PPA2: variants seen among roughly 807,000 people sequenced by gnomAD.
The protein encoded by PPA2 is inorganic pyrophosphatase 2, also known as inorganic pyrophosphatase 2, mitochondrial.
In PPA2, 48 loss-of-function variants were observed where a neutral mutation model predicts 49.5. That is an observed-to-expected ratio of 0.97 (90% CI 0.77 to 1.23). PPA2 has a LOEUF of 1.23. PPA2 is among the 50% of genes most tolerant of loss of function. PPA2 has a pLI of 0.00. For missense variants in PPA2, 429 were observed against 410.1 expected, an observed-to-expected ratio of 1.05 and a Z score of -0.40; for synonymous variants, 131 against 139.9, an observed-to-expected ratio of 0.94 and a Z score of 0.45.
At chr4:105,380,794 T>C (rs541630064) in intron 10 of PPA2, among the ~76,000 whole-genome samples, 1 of 152,068 alleles carries the variant, frequency 6.6e-6, no homozygotes, top group Non-Finnish European at 1.5e-5. Flanking sequence ...TGGTACATAC[T>C]ATATGTGTCC....
intron 9 of PPA2, among the ~76,000 whole-genome samples, chr4:105,387,858 A>G (rs1294723437): frequency 1.3e-5 from 2 of 152,170 alleles, no homozygotes; most frequent in South Asian, 4.1e-4. Flanking sequence ...CCTGTAAGTT[A>G]GATGTTTCCT....
chr4:105,373,821 C>G (rs1452344539), intron 10 of PPA2, among the ~76,000 whole-genome samples: 4 of 151,384 alleles, frequency 2.6e-5, no homozygotes, highest in Non-Finnish European at 5.9e-5. Flanking sequence ...GTCTGACACT[C>G]AGAGATAATG....
intron 7 of PPA2, among the ~76,000 whole-genome samples, chr4:105,403,067 T>C (rs1722294647): frequency 6.6e-6 from 1 of 151,980 alleles, no homozygotes; most frequent in African/African-American, 2.4e-5. Flanking sequence ...CTCTGTCACA[T>C]AGGCTGGAGT....
intron 10 of PPA2, 126 bp downstream of exon 10, chr4:105,386,441 T>C: frequency 1.5e-6 from 1 of 670,198 alleles, no homozygotes; most frequent in Non-Finnish European, 2.3e-6. Flanking sequence ...GATTTCAAGG[T>C]GATCTGTAAA....
At chr4:105,387,704 A>G (rs1013478170) in intron 9 of PPA2, among the ~76,000 whole-genome samples, 1 of 152,134 alleles carries the variant, frequency 6.6e-6, no homozygotes, top group Non-Finnish European at 1.5e-5. Context: ...TTTTGCCACT[A>G]TAGCACACGT....
At position 105,411,078 on chromosome 4, in the gene PPA2, TG is replaced by T. The variant is rs201779012; in HGVS notation, c.656-11915del. On this transcript the variant is annotated intron_variant, in intron 7 of 11. Coordinates refer to ENST00000341695, the MANE Select transcript of PPA2 (RefSeq NM_176869.3). ...CACACATAACAATATTAACCTTAAA[TG>T]TAAATGGGTTAAATGCCCCAATTAA... Among the ~76,000 whole-genome samples the T allele has an allele frequency of 3.8e-4, 58 of 152,290 alleles. No individual in the cohort carries two copies. The East Asian group carries it at 9.1e-3, about 24-fold the overall frequency.
At chr4:105,454,662 C>T (rs1722810779) in intron 2 of PPA2, among the ~76,000 whole-genome samples, 1 of 152,030 alleles carries the variant, frequency 6.6e-6, no homozygotes, top group South Asian at 2.1e-4. Context: ...ATACCACATC[C>T]CAAAGTACAA....
At chr4:105,442,066 G>A (rs1392643100) in intron 5 of PPA2, among the ~76,000 whole-genome samples, 3 of 149,888 alleles carry the variant, frequency 2.0e-5, no homozygotes, top group Admixed American at 6.6e-5. Context: ...GAACAGTGGT[G>A]TGACCATAGC....
At position 105,437,981 on chromosome 4, in the gene PPA2, T is replaced by C. The variant is rs1163135909; in HGVS notation, c.497A>G (p.Asp166Gly). 6.8e-6 allele frequency: 11 copies of C among 1,609,690 alleles called. No homozygotes were observed. The South Asian group carries it at 1.2e-4, about 18-fold the overall frequency. The change falls in exon 6 of 12, where the codon GAT becomes GGT. Residue 166 changes from aspartate to glycine, a missense_variant. Physicochemically the swap from Asp to Gly is moderately conservative, Grantham distance 94. Coordinates refer to ENST00000341695, the MANE Select transcript of PPA2 (RefSeq NM_176869.3). ...DKSTNCFGDN[D>G]PIDVCEIGSK... ...GCCTATTTCGCAAACATCAATAGGA[T>C]CATTATCTCCAAAGCAGTTCGTGCT...
chr4:105,406,354 C>T (rs1340950011), intron 7 of PPA2, among the ~76,000 whole-genome samples: 3 of 152,034 alleles, frequency 2.0e-5, no homozygotes, highest in African/African-American at 7.2e-5. Flanking sequence ...TATTTAGTCT[C>T]AGAACGCAGG....
At chr4:105,375,819 C>A (rs775970984) in intron 10 of PPA2, among the ~76,000 whole-genome samples, 13 of 152,170 alleles carry the variant, frequency 8.5e-5, no homozygotes, top group African/African-American at 1.7e-4. Context: ...GAGGAACATG[C>A]TGTTACAAGT....
At chr4:105,393,494 TA>T (rs1734008730) in intron 9 of PPA2, among the ~76,000 whole-genome samples, 1 of 40,068 alleles carries the variant, frequency 2.5e-5, no homozygotes, top group African/African-American at 6.6e-5. Flanking sequence ...AAAATAATAA[TA>T]ATAATAATAA....
At chr4:105,380,576 T>TAACA (rs1733448538) in intron 10 of PPA2, among the ~76,000 whole-genome samples, 1 of 152,148 alleles carries the variant, frequency 6.6e-6, no homozygotes, top group East Asian at 1.9e-4. Flanking sequence ...AGAGTTAATA[T>TAACA]TGTTGTTTCA....
intron 5 of PPA2, among the ~76,000 whole-genome samples, chr4:105,442,060 A>G (rs893351120): frequency 6.6e-6 from 1 of 151,012 alleles, no homozygotes; most frequent in Non-Finnish European, 1.5e-5. Context: ...GCTGAAGAAC[A>G]GTGGTGTGAC....
chr4:105,447,302 T>C (rs368380236), intron 4 of PPA2, among the ~76,000 whole-genome samples: 1 of 152,070 alleles, frequency 6.6e-6, no homozygotes, highest in East Asian at 1.9e-4. Context: ...GAAAGACAAA[T>C]ATCTCATGTT....
rs771537412 is a variant in PPA2, at chr4:105,388,825, C to CAAAAAA, written c.870-2195_870-2190dup. 5.4e-3 allele frequency among the ~76,000 whole-genome samples: 309 copies of CAAAAAA among 56,736 alleles called. 14 individuals are homozygous for CAAAAAA. The highest frequency in any genetic ancestry group is 0.015 in the African/African-American group (289 of 19,590). 37.2% of individuals were successfully genotyped at this position (56,736 alleles called of 152,430 possible). On this transcript the variant is annotated intron_variant, in intron 9 of 11. Transcript: ENST00000341695. ...GGGTGACAGAGCAAGGCAACGTCTC[C>CAAAAAA]AAAAAAAAAAGAAAAAAAAAAAAAT...
intron 6 of PPA2, among the ~76,000 whole-genome samples, chr4:105,425,842 G>C (rs1340987552): frequency 2.6e-5 from 4 of 152,032 alleles, no homozygotes; most frequent in African/African-American, 9.7e-5. Flanking sequence ...GATAGTGACA[G>C]AGAGTAAATC....
chr4:105,453,657 A>T lies in PPA2; in HGVS notation c.223-15T>A. 2.5e-6 allele frequency: 4 copies of T among 1,598,590 alleles called. No individual in the cohort carries two copies. The highest frequency in any genetic ancestry group is 3.4e-6 in the Non-Finnish European group (4 of 1,170,112). On this transcript the variant is annotated splice_polypyrimidine_tract_variant and intron_variant, in intron 2 of 11. Transcript: ENST00000341695. Reference sequence around the variant, plus strand: ...ATGCCATTTTCCTATAAAAGAAAAGATGGTGAAAGACTGCAATATTTCATG... The same window carrying T: ...ATGCCATTTTCCTATAAAAGAAAAGTTGGTGAAAGACTGCAATATTTCATG...
Position 105,470,008 on chromosome 4 carries a change from G to T in PPA2, c.157+3886C>A, listed in dbSNP as rs180772462. Among the ~76,000 whole-genome samples the T allele has an allele frequency of 4.7e-3, 720 of 152,266 alleles. 4 individuals are homozygous for T. The highest frequency in any genetic ancestry group is 0.017 in the African/African-American group (688 of 41,566). On this transcript the variant is annotated intron_variant, in intron 1 of 11. Coordinates refer to ENST00000341695, the MANE Select transcript of PPA2 (RefSeq NM_176869.3). ...AGTGACAAAGCAAATTAATTTTAAA[G>T]AACTGCTTGGTTCATTCCCAGACTA...
Sources: allele counts gnomAD v4.1 joint callset (sites outside exome capture counted in the v4.1 genomes callset), GRCh38; gene constraint gnomAD v4.1.1; transcripts MANE v1.5; gene names NCBI Gene and HGNC (gene_info 2026-07-23, HGNC 2026-07-21).